Variants in RPGRIP1L observed in about 807,000 individuals in gnomAD.
The protein encoded by RPGRIP1L is protein fantom.
A neutral mutation model predicts 160.4 loss-of-function variants in RPGRIP1L; 131 were observed. The ratio of observed to expected loss-of-function variants is 0.82; its 90% CI spans 0.71 to 0.94. RPGRIP1L has a LOEUF of 0.94. Ranked by LOEUF, RPGRIP1L falls within the 40% of genes least tolerant of loss-of-function variation. RPGRIP1L has a pLI of 0.00. For synonymous variants in RPGRIP1L, 510 were observed against 515.8 expected (o/e 0.99, Z 0.15); for missense variants, 1,522 against 1,535.8 (o/e 0.99, Z 0.15).
intron 6 of RPGRIP1L, among the ~76,000 whole-genome samples, chr16:53,676,527 CA>C (rs1166734338): frequency 1.3e-5 from 2 of 152,034 alleles, no homozygotes; most frequent in Non-Finnish European, 2.9e-5. Flanking sequence ...CAGTGAATGA[CA>C]TTTATTGATA....
At chr16:53,605,413 G>A (rs947391208) in intron 26 of RPGRIP1L, 68 bp downstream of exon 26, 2 of 1,583,372 alleles carry the variant, frequency 1.3e-6, no homozygotes, top group East Asian at 2.2e-5. Flanking sequence ...CAAAAAGAAG[G>A]TTTTAATAAA....
intron 8 of RPGRIP1L, among the ~76,000 whole-genome samples, chr16:53,672,352 T>C (rs897506715): frequency 2.0e-5 from 3 of 152,158 alleles, no homozygotes; most frequent in Non-Finnish European, 4.4e-5. Flanking sequence ...CAGAACAGAA[T>C]GCAGGCATCT....
In RPGRIP1L at chr16:53,671,530, G is replaced by A. The variant is rs1339644625; in HGVS notation, c.1083C>T (p.Asn361=). Residue 361 remains asparagine (N), a synonymous_variant, in exon 9 of 27, where the codon AAC becomes AAT. Coordinates refer to ENST00000647211, the MANE Select transcript of RPGRIP1L (RefSeq NM_015272.5). ...LEKERELLKE[N]YDKLYDSAFS... The stretch of plus-strand genomic sequence containing the variant: ...TTTACCTGTCATAAAGTTTATCATA[G>A]TTTTCCTTTAAAAGTTCCCGTTCCT... The A allele has an allele frequency of 1.9e-6, 3 of 1,580,452 alleles. No homozygotes were observed. The highest frequency in any genetic ancestry group is 2.7e-5 in the African/African-American group (2 of 74,220).
rs148526542 is a variant in RPGRIP1L, at chr16:53,622,087, C to T, written c.3432+132G>A. The stretch of plus-strand genomic sequence containing the variant: ...TTGTATAAAGATCTGAAGATTGGCC[C>T]GGCGCAGTGGCTCATGCCTGTAATC... On this transcript the variant is annotated intron_variant, in intron 23 of 26. Transcript: ENST00000647211. 6.4e-3 allele frequency: 2,081 copies of T among 324,162 alleles called. 33 individuals carry two copies. Among genetic ancestry groups the T allele is most frequent in the African/African-American group, 0.046 (1,852 of 40,252 alleles). The allele number at this position is 324,162 out of a possible 1,614,324, so 20.1% of individuals were successfully genotyped here.
At chr16:53,636,941 GACACACACACACACACACACACACACAC>G (rs34373919) in intron 21 of RPGRIP1L, among the ~76,000 whole-genome samples, 3 of 142,124 alleles carry the variant, frequency 2.1e-5, no homozygotes, top group East Asian at 4.2e-4. Context: ...TGCAATATTT[GACACACACACACACACACACACACACAC>G]ACACACACAC....
chr16:53,604,028 G>T (rs1963525140), intron 26 of RPGRIP1L, among the ~76,000 whole-genome samples: 1 of 152,256 alleles, frequency 6.6e-6, no homozygotes, highest in South Asian at 2.1e-4. Flanking sequence ...AAAATACGAA[G>T]AATATAAAGC....
At chr16:53,617,314 C>G (rs935624949) in intron 24 of RPGRIP1L, among the ~76,000 whole-genome samples, 1 of 152,058 alleles carries the variant, frequency 6.6e-6, no homozygotes, top group East Asian at 1.9e-4. Context: ...ACCAAATATT[C>G]TACTCCTGAC....
At chr16:53,637,079 C>T (rs1238582124) in intron 21 of RPGRIP1L, among the ~76,000 whole-genome samples, 2 of 152,048 alleles carry the variant, frequency 1.3e-5, no homozygotes, top group Admixed American at 1.3e-4. Flanking sequence ...ACACTGCAGC[C>T]TCGAAGTCCT....
chr16:53,603,673 A>AGT (rs1963500431), intron 26 of RPGRIP1L, among the ~76,000 whole-genome samples: 1 of 83,192 alleles, frequency 1.2e-5, no homozygotes, highest in Non-Finnish European at 2.3e-5. Flanking sequence ...CTTGAACTTT[A>AGT]ATGTGTGTGT....
At chr16:53,692,503 G>T in intron 3 of RPGRIP1L, 139 bp from the exon 4 acceptor site, 1 of 778,156 alleles carries the variant, frequency 1.3e-6, no homozygotes, top group Non-Finnish European at 2.2e-6. Flanking sequence ...AACTATTACT[G>T]CCTGTGAAGA....
chr16:53,694,448 AAAAATTAAAAAATAAAAAGGTAGTT>A (rs1383788611), intron 3 of RPGRIP1L: 4 of 151,826 alleles, frequency 2.6e-5, no homozygotes, highest in Non-Finnish European at 4.4e-5. Flanking sequence ...AAAAAAAAAA[AAAAATTAAAAAATAAAAAGGTAGTT>A]TATAAAATCT....
chr16:53,612,860 T>C (rs1964142757), intron 24 of RPGRIP1L, among the ~76,000 whole-genome samples: 1 of 152,214 alleles, frequency 6.6e-6, no homozygotes, highest in African/African-American at 2.4e-5. Context: ...CCAGAACTTC[T>C]TCATCTTCCC....
chr16:53,670,223 C>G (rs1319130192), intron 9 of RPGRIP1L, among the ~76,000 whole-genome samples: 1 of 151,904 alleles, frequency 6.6e-6, no homozygotes, highest in Non-Finnish European at 1.5e-5. Context: ...AAGCCTATCC[C>G]CACACTCCTT....
At chr16:53,602,280 A>G (rs1963417128) in intron 26 of RPGRIP1L, 92 bp from the exon 27 acceptor site, 1 of 845,952 alleles carries the variant, frequency 1.2e-6, no homozygotes. Flanking sequence ...GAAAAGATGA[A>G]AATAGTTCTA....
At chr16:53,663,616 G>A (rs992820930) in intron 10 of RPGRIP1L, among the ~76,000 whole-genome samples, 2 of 152,098 alleles carry the variant, frequency 1.3e-5, no homozygotes, top group African/African-American at 4.8e-5. Flanking sequence ...ATCAGGAACT[G>A]TATGTATTTC....
At chr16:53,630,344 T>A (rs1176537888) in intron 22 of RPGRIP1L, among the ~76,000 whole-genome samples, 1 of 152,196 alleles carries the variant, frequency 6.6e-6, no homozygotes, top group Non-Finnish European at 1.5e-5. Context: ...AGCCACCACA[T>A]CTGGCCCCAT....
At position 53,652,749 on chromosome 16, in the gene RPGRIP1L, G is replaced by A. The variant is rs745879566; in HGVS notation, c.1938C>T (p.Pro646=). 33 of 1,613,766 alleles carry A rather than the reference G, an allele frequency of 2.0e-5. No individual in the cohort carries two copies. The highest frequency in any genetic ancestry group is 1.9e-4 in the South Asian group (17 of 91,072). ...AFYDFELQTT[P]VVRGLHPEYN... is the part of the protein sequence containing the mutation. ...ATTCGGGATGAAGGCCTCGCACTAC[G>A]GGAGTTGTCTGTAGTTCAAAATCAT... is the stretch of plus-strand genomic sequence containing the variant. Residue 646 remains proline (P), a synonymous_variant, in exon 15 of 27, where the codon CCC becomes CCT. Transcript: ENST00000647211.
At position 53,652,616 on chromosome 16, in the gene RPGRIP1L, C is replaced by T. The variant is rs1966878687; in HGVS notation, c.2071G>A (p.Glu691Lys). ...EVHQAYSTEY[E>K]TIAACQLKFH... ...TTTAATTGACATGCTGCAATTGTTTCATATTCTGTGCTATAAGCCTGGTGG... is the reference window on the plus strand; with the variant it reads ...TTTAATTGACATGCTGCAATTGTTTTATATTCTGTGCTATAAGCCTGGTGG... Residue 691 changes from glutamate (E) to lysine (K), a missense_variant, in exon 15 of 27, where the codon GAA (glutamate) becomes AAA (lysine). By Grantham distance (56) the Glu-to-Lys change is moderately conservative. Transcript: ENST00000647211. 1 of 1,613,910 alleles carries T rather than the reference C, an allele frequency of 6.2e-7. No homozygotes were observed.
chr16:53,629,173 T>C (rs1389676379), intron 22 of RPGRIP1L, among the ~76,000 whole-genome samples: 1 of 152,166 alleles, frequency 6.6e-6, no homozygotes, highest in Non-Finnish European at 1.5e-5. Flanking sequence ...GGCTGCACAT[T>C]AGAATCACCA....
Sources: gnomAD v4.1 joint callset for allele counts (sites outside exome capture counted in the v4.1 genomes callset) on GRCh38, gnomAD v4.1.1 for gene constraint, MANE v1.5 for transcripts, NCBI Gene and HGNC (gene_info 2026-07-23, HGNC 2026-07-21) for gene names.